MID1: variants seen among roughly 807,000 people sequenced by gnomAD.
MID1 encodes the protein E3 ubiquitin-protein ligase Midline-1.
A neutral mutation model predicts 40.4 loss-of-function variants in MID1; 7 were observed. The observed-to-expected ratio is 0.17, with a 90% CI of 0.10 to 0.33. The LOEUF (loss-of-function observed/expected upper bound fraction) is 0.33. Among genes scored for constraint, MID1 ranks in the 10% least tolerant of loss-of-function variants. MID1 has a pLI of 1.00. For synonymous variants in MID1, 229 were observed against 221.2 expected, an observed-to-expected ratio of 1.04 and a Z score of -0.31; for missense variants, 367 against 558.5, an observed-to-expected ratio of 0.66 and a Z score of 3.46.
intron 4 of MID1, among the ~76,000 whole-genome samples, chrX:10,494,646 T>C (rs779397995): frequency 1.8e-5 from 2 of 108,695 alleles, no homozygotes; most frequent in South Asian, 4.1e-4. Context: ...TGGTGGCCCA[T>C]GCCTGTAGTC....
At chrX:10,743,235 T>G in intron 1 of MID1, among the ~76,000 whole-genome samples, 1 of 112,659 alleles carries the variant, frequency 8.9e-6, no homozygotes, top group East Asian at 2.8e-4. Flanking sequence ...GATAAACTAT[T>G]TTGCAGCTTC....
intron 1 of MID1, among the ~76,000 whole-genome samples, chrX:10,763,039 G>A (rs752565673): frequency 9.9e-5 from 11 of 110,834 alleles, no homozygotes; most frequent in Non-Finnish European, 1.3e-4. Flanking sequence ...CGTATTTTCC[G>A]CTTTGTGGGC....
chrX:10,545,858 A>T (rs1389548412), intron 2 of MID1, among the ~76,000 whole-genome samples: 2 of 112,137 alleles, frequency 1.8e-5, no homozygotes, highest in Non-Finnish European at 3.8e-5. Context: ...CATAGTAGTC[A>T]TGATTCTCTT....
intron 1 of MID1, among the ~76,000 whole-genome samples, chrX:10,768,790 T>C (rs1602566378): frequency 8.9e-6 from 1 of 111,906 alleles, no homozygotes; most frequent in East Asian, 2.8e-4. Context: ...GTTATTTATA[T>C]ATTCTTCCCC....
chrX:10,474,926 G>A (rs749414534), intron 5 of MID1, 176 bp from the exon 6 acceptor site: 5 of 506,285 alleles, frequency 9.9e-6, no homozygotes, highest in South Asian at 2.5e-5. Flanking sequence ...ATGAATGCAA[G>A]CTTTAAAAAA....
At chrX:10,748,644 G>C (rs1177131401) in intron 1 of MID1, among the ~76,000 whole-genome samples, 3 of 111,958 alleles carry the variant, frequency 2.7e-5, no homozygotes, top group African/African-American at 9.7e-5. Context: ...ACAAAATAGG[G>C]TTCAGGGAGA....
Position 10,601,498 on chromosome X carries a change from C to T in MID1, c.-57+18792G>A, listed in dbSNP as rs374766898. The stretch of plus-strand genomic sequence containing the variant: ...TCCAATTGCTTTATATAGTCTATGT[C>T]GAGCTGAGGGGTTTGGACAGAGACT... On this transcript the variant is annotated intron_variant, in intron 1 of 9. Transcript: ENST00000317552. Among the ~76,000 whole-genome samples the T allele has an allele frequency of 7.8e-4, 87 of 112,173 alleles. No individual in the cohort carries two copies. In the South Asian group the frequency reaches 0.031, roughly 40 times the overall value.
chrX:10,732,944 A>G (rs1602545064), intron 1 of MID1, among the ~76,000 whole-genome samples: 1 of 103,283 alleles, frequency 9.7e-6, no homozygotes, highest in Non-Finnish European at 2.0e-5. Flanking sequence ...GCTCACTGCA[A>G]CCTCCACCTC....
At chrX:10,682,610 TAATA>T (rs1375664662) in intron 1 of MID1, among the ~76,000 whole-genome samples, 253 of 111,762 alleles carry the variant, frequency 2.3e-3, no homozygotes, top group African/African-American at 7.9e-3. Flanking sequence ...TCAGTGAGAA[TAATA>T]AATAAACTCA....
intron 2 of MID1, among the ~76,000 whole-genome samples, chrX:10,553,183 G>T (rs1602393398): frequency 9.1e-6 from 1 of 109,518 alleles, no homozygotes; most frequent in East Asian, 2.8e-4. Context: ...AGGAGGTGGA[G>T]GTTGCAGTGA....
intron 1 of MID1, among the ~76,000 whole-genome samples, chrX:10,739,065 G>A (rs1432370312): frequency 2.7e-5 from 3 of 111,556 alleles, no homozygotes; most frequent in Admixed American, 9.6e-5. Flanking sequence ...TGATTCAAGC[G>A]ATATTTTGTT....
At chrX:10,705,482 A>C (rs1016858649) in intron 1 of MID1, among the ~76,000 whole-genome samples, 2 of 112,307 alleles carry the variant, frequency 1.8e-5, no homozygotes, top group African/African-American at 6.5e-5. Context: ...CTACTCCGTA[A>C]ATATTGTTGA....
At chrX:10,732,804 T>C (rs1388590476) in intron 1 of MID1, among the ~76,000 whole-genome samples, 1 of 110,988 alleles carries the variant, frequency 9.0e-6, no homozygotes, top group Non-Finnish European at 1.9e-5. Context: ...GGAAACAAAA[T>C]AGAGTCCAGA....
chrX:10,455,526 G>A (rs1414121916), intron 8 of MID1, among the ~76,000 whole-genome samples: 1 of 111,412 alleles, frequency 9.0e-6, no homozygotes, highest in Admixed American at 9.5e-5. Context: ...GTACATACTG[G>A]CTGGATAGCA....
chrX:10,725,832 C>G (rs1231958322), intron 1 of MID1, among the ~76,000 whole-genome samples: 1 of 111,910 alleles, frequency 8.9e-6, no homozygotes, highest in Non-Finnish European at 1.9e-5. Context: ...GCACTAGAGC[C>G]TAGGCAACAG....
intron 1 of MID1, chrX:10,677,610 G>A (rs2043031113): frequency 8.9e-6 from 1 of 112,818 alleles, no homozygotes. Flanking sequence ...GCCTGTGTTC[G>A]GCAGCATGCC....
intron 1 of MID1, among the ~76,000 whole-genome samples, chrX:10,626,416 TACAGCCTCA>T (rs1174943002): frequency 3.6e-5 from 4 of 109,941 alleles, no homozygotes; most frequent in African/African-American, 1.3e-4. Flanking sequence ...CATATTGCAC[TACAGCCTCA>T]AACTCCTGGG....
chrX:10,646,266 C>T (rs1237917643), intron 1 of MID1, among the ~76,000 whole-genome samples: 1 of 111,139 alleles, frequency 9.0e-6, no homozygotes, highest in Non-Finnish European at 1.9e-5. Context: ...TTCAATTCTG[C>T]CCAGTGGTCC....
chrX:10,758,483 CT>C (rs1157401550), intron 1 of MID1, among the ~76,000 whole-genome samples: 430 of 63,845 alleles, frequency 6.7e-3, no homozygotes, highest in East Asian at 0.022. Flanking sequence ...CTTTTCTTTC[CT>C]TTTTTTTTTT....
Sources: allele counts gnomAD v4.1 joint callset (sites outside exome capture counted in the v4.1 genomes callset), GRCh38; gene constraint gnomAD v4.1.1; transcripts MANE v1.5; gene names NCBI Gene and HGNC (gene_info 2026-07-23, HGNC 2026-07-21).